Variants in ACAP3 observed in about 807,000 individuals in gnomAD.
ACAP3 encodes the protein arf-GAP with coiled-coil, ANK repeat and PH domain-containing protein 3.
Under a neutral mutation model 104.1 loss-of-function variants are expected in ACAP3, and 56 were observed. That is an observed-to-expected ratio of 0.54 (90% CI 0.43 to 0.67). ACAP3 has a LOEUF of 0.67. Ranked by LOEUF, ACAP3 falls within the 30% of genes least tolerant of loss-of-function variation. ACAP3 has a pLI of 0.00. For synonymous variants in ACAP3, 628 were observed against 496.2 expected (o/e 1.27, Z -3.53); for missense variants, 1,208 against 1,174.9 (o/e 1.03, Z -0.41).
In ACAP3 at chr1:1,302,957, C is replaced by T. The variant is rs758685858; in HGVS notation, c.244G>A (p.Ala82Thr). The T allele has an allele frequency of 1.9e-6, 3 of 1,611,318 alleles. No individual in the cohort carries two copies. Among genetic ancestry groups the T allele is most frequent in the South Asian group, 2.2e-5 (2 of 90,804 alleles). The change falls in exon 4 of 24, where the codon GCT (alanine) becomes ACT (threonine). Residue 82 changes from alanine to threonine, a missense_variant. Coordinates refer to ENST00000354700, the MANE Select transcript of ACAP3 (RefSeq NM_030649.3). Reference sequence around the variant, plus strand: ...TTCACCACCTCCTGTAGGCTGTCAGCGAACCTCTGCAGACATTCCTGGAGG... The same window carrying T: ...TTCACCACCTCCTGTAGGCTGTCAGTGAACCTCTGCAGACATTCCTGGAGG... ...TVISECLQRFADSLQEVVNYH... is the reference protein window; with the variant it reads ...TVISECLQRFTDSLQEVVNYH...
chr1:1,306,116 C>T (rs1331822453), intron 1 of ACAP3, among the ~76,000 whole-genome samples: 2 of 152,224 alleles, frequency 1.3e-5, no homozygotes, highest in African/African-American at 4.8e-5. Flanking sequence ...CAGTCCATGC[C>T]CCACAGGGGT....
chr1:1,297,855 G>C lies in ACAP3; in HGVS notation c.1095C>G (p.Ala365=). 1 of 1,611,908 alleles carries C rather than the reference G, an allele frequency of 6.2e-7. No homozygotes were observed. The highest frequency in any genetic ancestry group is 8.5e-7 in the Non-Finnish European group (1 of 1,179,434). The change falls in exon 14 of 24, where the codon GCC becomes GCG. Residue 365 remains alanine, a synonymous_variant. Coordinates refer to ENST00000354700, the MANE Select transcript of ACAP3 (RefSeq NM_030649.3). The part of the protein sequence containing the change: ...VQAVQASIAS[A]YRESPDSCYS... ...AGCAACTGTCAGGGCTCTCGCGGTA[G>C]GCGGAGGCGATGCTGGCCTGCACAG...
Position 1,298,439 on chromosome 1 carries a change from T to C in ACAP3, c.864-18A>G, listed in dbSNP as rs747666454. The stretch of plus-strand genomic sequence containing the variant: ...ACCAGCGCCTAGGTGGGTGGGGGGA[T>C]GTGGGGAGTCAGGCGGGGCCCATCC... On this transcript the variant is annotated intron_variant, in intron 11 of 23. Coordinates refer to ENST00000354700, the MANE Select transcript of ACAP3 (RefSeq NM_030649.3). 2 of 1,598,020 alleles carry C rather than the reference T, an allele frequency of 1.3e-6. No homozygotes were observed. Among genetic ancestry groups the C allele is most frequent in the South Asian group, 2.2e-5 (2 of 89,128 alleles).
Position 1,296,539 on chromosome 1 carries a change from C to G in ACAP3, c.1223G>C (p.Arg408Pro). The change falls in exon 15 of 24, where the codon CGT (arginine) becomes CCT (proline). Residue 408 changes from arginine to proline, a missense_variant. Coordinates refer to ENST00000354700, the MANE Select transcript of ACAP3 (RefSeq NM_030649.3). ...RGVKGESVLQ[R>P]VQSVAGNSQC... ...GCTGTTGCCGGCCACACTCTGCACA[C>G]GCTGCAGCACACTCTCGCCCTTCAC... 1 of 1,539,864 alleles carries G rather than the reference C, an allele frequency of 6.5e-7. No homozygotes were observed. The highest frequency in any genetic ancestry group is 8.7e-7 in the Non-Finnish European group (1 of 1,146,698).
rs746568332 is a variant in ACAP3, at chr1:1,296,555, C to T, written c.1207G>A (p.Glu403Lys). The change falls in exon 15 of 24, where the codon GAG (glutamate) becomes AAG (lysine). Residue 403 changes from glutamate (E) to lysine (K), a missense_variant. Glu to Lys is a moderately conservative substitution (Grantham distance 56, BLOSUM62 1). Coordinates refer to ENST00000354700, the MANE Select transcript of ACAP3 (RefSeq NM_030649.3). ...CTCTGCACACGCTGCAGCACACTCT[C>T]GCCCTTCACGCCACGCTCCCGAGTG... Reference protein sequence around the residue: ...TDTRERGVKGESVLQRVQSVA... With the variant: ...TDTRERGVKGKSVLQRVQSVA... 3.2e-5 allele frequency: 49 copies of T among 1,539,384 alleles called. No individual in the cohort carries two copies. Among genetic ancestry groups the T allele is most frequent in the Non-Finnish European group, 3.4e-5 (39 of 1,146,696 alleles).
Position 1,294,802 on chromosome 1 carries a change from T to C in ACAP3, c.1828A>G (p.Ser610Gly). 1 of 1,549,852 alleles carries C rather than the reference T, an allele frequency of 6.5e-7. No individual in the cohort carries two copies. Among genetic ancestry groups the C allele is most frequent in the Non-Finnish European group, 8.7e-7 (1 of 1,146,706 alleles). The change falls in exon 20 of 24, where the codon AGT becomes GGT. Residue 610 changes from serine to glycine, a missense_variant. Transcript: ENST00000354700. The part of the protein sequence containing the change: ...GAGPRSLSSD[S>G]GLGGSSDGSS... The stretch of plus-strand genomic sequence containing the variant: ...CCATCCGAGCTGCCCCCAAGGCCAC[T>C]GTCGCTACTCAGACCTGCAGGTCCG...
intron 1 of ACAP3, chr1:1,307,513 G>A: frequency 1.7e-6 from 2 of 1,192,872 alleles, no homozygotes; most frequent in Non-Finnish European, 1.1e-6. Context: ...AGCGGGGGCG[G>A]ACGGTCCCGA....
Position 1,295,565 on chromosome 1 carries a change from A to G in ACAP3, c.1706-11T>C, listed in dbSNP as rs753045291. The stretch of plus-strand genomic sequence containing the variant: ...GATCCAGGGTGCCCACTGCAGGGGC[A>G]GTGCGTGTTCAGAGTGTGGAACAGG... On this transcript the variant is annotated splice_polypyrimidine_tract_variant and intron_variant, in intron 18 of 23. Coordinates refer to ENST00000354700, the MANE Select transcript of ACAP3 (RefSeq NM_030649.3). The G allele has an allele frequency of 2.5e-6, 4 of 1,611,486 alleles. No homozygotes were observed. In the Admixed American group the frequency reaches 6.7e-5, roughly 27 times the overall value.
At position 1,294,159 on chromosome 1, in the gene ACAP3, G is replaced by A. The variant is rs867033210; in HGVS notation, c.2180C>T (p.Ala727Val). 6.3e-7 allele frequency: 1 copy of A among 1,596,634 alleles called. No homozygotes were observed. The highest frequency in any genetic ancestry group is 8.5e-7 in the Non-Finnish European group (1 of 1,171,988). The change falls in exon 22 of 24, where the codon GCG becomes GTG. Residue 727 changes from alanine (A) to valine (V), a missense_variant. By Grantham distance (64) the Ala-to-Val change is moderately conservative. Transcript: ENST00000354700. ...CCGGCTGTCTCTTTGGTTCACGTCC[G>A]CTCCGTTTTGCAGCAGGAACTCACA... ...IVCEFLLQNG[A>V]DVNQRDSRGR...
rs372514455 is a variant in ACAP3, at chr1:1,294,125, C to G, written c.2214G>C (p.Ala738=). The change falls in exon 22 of 24, where the codon GCG becomes GCC. Residue 738 remains alanine (A), a synonymous_variant. Coordinates refer to ENST00000354700, the MANE Select transcript of ACAP3 (RefSeq NM_030649.3). ...CCAGCAGCGTGGCGTGGTGCAGGGG[C>G]GCCCGGCCCCGGCTGTCTCTTTGGT... ...DVNQRDSRGR[A]PLHHATLLGR... 5 of 1,589,584 alleles carry G rather than the reference C, an allele frequency of 3.1e-6. No individual in the cohort carries two copies. The highest frequency in any genetic ancestry group is 4.3e-6 in the Non-Finnish European group (5 of 1,168,360).
chr1:1,307,656 T>C (rs2100509666), intron 1 of ACAP3, 113 bp downstream of exon 1: 1 of 977,980 alleles, frequency 1.0e-6, no homozygotes, highest in Non-Finnish European at 1.2e-6. Context: ...CTCCAGCCCC[T>C]CCCCGGCGGC....
chr1:1,302,973 T>A lies in ACAP3; in HGVS notation c.228A>T (p.Glu76Asp), dbSNP rs200244253. Residue 76 changes from glutamate to aspartate, a missense_variant and splice_region_variant, in exon 4 of 24, where the codon GAA becomes GAT. Glu to Asp is a conservative substitution (Grantham distance 45). Transcript: ENST00000354700. ...QQCQGDTVIS[E>D]CLQRFADSLQ... is the part of the protein sequence containing the mutation. ...GGCTGTCAGCGAACCTCTGCAGACA[T>A]TCCTGGAGGAGCAGATGGGAACCCG... is the stretch of plus-strand genomic sequence containing the variant. 1.9e-6 allele frequency: 3 copies of A among 1,610,482 alleles called. No individual in the cohort carries two copies. In the African/African-American group the frequency reaches 4.0e-5, roughly 21 times the overall value.
At position 1,303,783 on chromosome 1, in the gene ACAP3, A is replaced by G. The variant is rs1641558890; in HGVS notation, c.105+303T>C. ...CCCCAGCCACACCAAGGCTCAGCCC[A>G]CACAGCAGCTGTCCCCGTGTCACCA... On this transcript the variant is annotated intron_variant, in intron 2 of 23. Coordinates refer to ENST00000354700, the MANE Select transcript of ACAP3 (RefSeq NM_030649.3). This position sits in a 1 kb window ranked among gnomAD's most constrained non-coding sequence, Gnocchi z 4.0. 2.1e-6 allele frequency: 1 copy of G among 472,754 alleles called. No individual in the cohort carries two copies. Among genetic ancestry groups the G allele is most frequent in the South Asian group, 2.4e-5 (1 of 41,420 alleles). 29.3% of individuals were successfully genotyped at this position (472,754 alleles called of 1,614,324 possible).
At chr1:1,306,253 C>G (rs1302235879) in intron 1 of ACAP3, among the ~76,000 whole-genome samples, 1 of 152,102 alleles carries the variant, frequency 6.6e-6, no homozygotes, top group African/African-American at 2.4e-5. Context: ...TGAGTGGGTT[C>G]CAGCACCCCC....
In ACAP3 at chr1:1,299,934, C is replaced by T. The variant is rs777539924; in HGVS notation, c.664-29G>A. 6 of 1,595,420 alleles carry T rather than the reference C, an allele frequency of 3.8e-6. 1 individual carries two copies. The highest frequency in any genetic ancestry group is 2.7e-5 in the African/African-American group (2 of 74,636). ...TTGGGGGTGGCATTAGGGAAGGTCA[C>T]GGAGGCCTGGCCCAGCCCCACCCCT... On this transcript the variant is annotated intron_variant, in intron 8 of 23. Coordinates refer to ENST00000354700, the MANE Select transcript of ACAP3 (RefSeq NM_030649.3).
chr1:1,297,719 A>G (rs1242714784), intron 14 of ACAP3, 103 bp downstream of exon 14: 1 of 1,014,906 alleles, frequency 9.9e-7, no homozygotes, highest in Non-Finnish European at 1.4e-6. Flanking sequence ...GGCAGGGGCC[A>G]TCCCCGGTGG....
intron 10 of ACAP3, chr1:1,299,050 G>A (rs940416537): frequency 1.2e-5 from 7 of 567,994 alleles, no homozygotes; most frequent in Admixed American, 3.4e-5. Context: ...AGGAGGCCTG[G>A]GAGTCACTGA....
At chr1:1,294,055 G>C (rs1422207073) in intron 22 of ACAP3, 35 bp downstream of exon 22, 1 of 1,524,968 alleles carries the variant, frequency 6.6e-7, no homozygotes, top group Non-Finnish European at 8.8e-7. Flanking sequence ...AGGCGTGGTC[G>C]GGGCACAGGG....
At chr1:1,294,873 G>T in intron 19 of ACAP3, 57 bp from the exon 20 acceptor site, 1 of 1,521,676 alleles carries the variant, frequency 6.6e-7, no homozygotes, top group Non-Finnish European at 8.9e-7. Context: ...TCCGTCCAGA[G>T]CCCTGGGGCA....
Sources: allele counts gnomAD v4.1 joint callset (sites outside exome capture counted in the v4.1 genomes callset), GRCh38; gene constraint gnomAD v4.1.1; non-coding constraint Gnocchi (gnomAD v3.1); transcripts MANE v1.5; gene names NCBI Gene and HGNC (gene_info 2026-07-23, HGNC 2026-07-21).